The following EHBP1 variants were observed in gnomAD, a reference collection of about 807,000 sequenced individuals.
EHBP1 encodes EH domain-binding protein 1.
EHBP1 carries 55 observed loss-of-function variants against 144.0 expected under a neutral mutation model. That is an observed-to-expected ratio of 0.38 (90% CI 0.31 to 0.48). The LOEUF is 0.48. Among genes scored for constraint, EHBP1 ranks in the 20% least tolerant of loss-of-function variants. EHBP1 has a pLI of 0.98. For synonymous variants in EHBP1, 469 were observed against 472.7 expected (o/e 0.99, Z 0.10); for missense variants, 1,200 against 1,364.2 (o/e 0.88, Z 1.90).
At chr2:62,803,918 C>T (rs540140982) in intron 5 of EHBP1, among the ~76,000 whole-genome samples, 117 of 132,436 alleles carry the variant, frequency 8.8e-4, no homozygotes, top group South Asian at 6.1e-3. Context: ...GTTTTGTAAT[C>T]GTTTTGTGCC....
chr2:62,868,988 AAG>A (rs1332391323), intron 9 of EHBP1, among the ~76,000 whole-genome samples: 3 of 152,208 alleles, frequency 2.0e-5, no homozygotes, highest in African/African-American at 4.8e-5. Context: ...TATTAAAAGA[AAG>A]GGGGAAATAT....
intron 12 of EHBP1, among the ~76,000 whole-genome samples, chr2:62,945,581 C>A (rs1387523958): frequency 2.0e-5 from 3 of 152,110 alleles, no homozygotes; most frequent in African/African-American, 7.2e-5. Flanking sequence ...AAGACCCCAT[C>A]TCTACAAAAA....
At chr2:62,709,335 T>C (rs1336625287) in intron 2 of EHBP1, among the ~76,000 whole-genome samples, 1 of 152,074 alleles carries the variant, frequency 6.6e-6, no homozygotes, top group South Asian at 2.1e-4. Context: ...AATTTGGATG[T>C]ATTTGACCAA....
intron 13 of EHBP1, among the ~76,000 whole-genome samples, chr2:62,951,533 T>G (rs1298426582): frequency 1.6e-5 from 2 of 125,638 alleles, no homozygotes; most frequent in African/African-American, 5.8e-5. Flanking sequence ...TTTTTTTTTT[T>G]TGGGGGGGGG....
chr2:63,006,194 T>C (rs1199363143), intron 19 of EHBP1, among the ~76,000 whole-genome samples: 6 of 152,018 alleles, frequency 3.9e-5, no homozygotes, highest in African/African-American at 1.4e-4. Context: ...TCAACAGTGC[T>C]TTGCACATAA....
At chr2:62,922,189 A>G (rs1467721605) in intron 10 of EHBP1, among the ~76,000 whole-genome samples, 1 of 152,192 alleles carries the variant, frequency 6.6e-6, no homozygotes, top group Non-Finnish European at 1.5e-5. Flanking sequence ...AAAAAAAATC[A>G]TAATGAAGAG....
rs190341602 is a variant in EHBP1 at position 62,830,284 on chromosome 2, T to C, written c.495-735T>C. On this transcript the variant is annotated intron_variant, in intron 6 of 22. Transcript: ENST00000431489. ...ATATATAGCTTGGATTACAGGCGCA[T>C]GCCACCACGCCCGGCTAATTTTTGT... 5.3e-3 allele frequency among the ~76,000 whole-genome samples: 795 copies of C among 151,270 alleles called. 3 individuals carry two copies. Among genetic ancestry groups the C allele is most frequent in the African/African-American group, 0.018 (737 of 41,220 alleles).
At chr2:62,755,174 A>G (rs1035341229) in intron 3 of EHBP1, among the ~76,000 whole-genome samples, 8 of 152,068 alleles carry the variant, frequency 5.3e-5, no homozygotes, top group Non-Finnish European at 1.2e-4. Context: ...GCAGTTCCCA[A>G]CCCTCAGAGG....
intron 13 of EHBP1, among the ~76,000 whole-genome samples, chr2:62,954,456 G>A (rs191495636): frequency 1.3e-5 from 2 of 151,980 alleles, no homozygotes; most frequent in East Asian, 3.9e-4. Flanking sequence ...AAAATCTTTG[G>A]GTGATGAAAA....
intron 5 of EHBP1, among the ~76,000 whole-genome samples, chr2:62,825,504 A>T (rs920203487): frequency 6.6e-6 from 1 of 151,794 alleles, no homozygotes; most frequent in Non-Finnish European, 1.5e-5. Context: ...TTTATGATAT[A>T]TGTGCTTTTA....
chr2:62,904,750 G>A (rs982648822), intron 10 of EHBP1, among the ~76,000 whole-genome samples: 6 of 152,158 alleles, frequency 3.9e-5, no homozygotes, highest in African/African-American at 1.2e-4. Context: ...GACTGCCAAA[G>A]CAAAGACTAT....
chr2:62,996,912 C>T, intron 19 of EHBP1, 146 bp downstream of exon 19: 1 of 1,168,954 alleles, frequency 8.6e-7, no homozygotes, highest in Non-Finnish European at 1.2e-6. Context: ...GCAGCCACCT[C>T]TCTGGGCCCT....
chr2:62,939,321 CTGGAG>C (rs1460367577), intron 10 of EHBP1, among the ~76,000 whole-genome samples: 2 of 152,152 alleles, frequency 1.3e-5, no homozygotes, highest in Admixed American at 6.5e-5. Flanking sequence ...GTCGCCCAGG[CTGGAG>C]TGCAGTGGTG....
intron 19 of EHBP1, among the ~76,000 whole-genome samples, chr2:63,017,499 T>A (rs550610752): frequency 4.3e-4 from 65 of 152,224 alleles, no homozygotes; most frequent in Non-Finnish European, 7.5e-4. Flanking sequence ...AATTAGATAC[T>A]TTATATCAAG....
chr2:62,772,416 G>C (rs2041742585), intron 5 of EHBP1, among the ~76,000 whole-genome samples: 1 of 152,184 alleles, frequency 6.6e-6, no homozygotes, highest in Non-Finnish European at 1.5e-5. Context: ...TCCAAATATA[G>C]TGATTAATAA....
chr2:62,860,924 A>G (rs1430204076), intron 8 of EHBP1, among the ~76,000 whole-genome samples: 1 of 152,060 alleles, frequency 6.6e-6, no homozygotes, highest in Non-Finnish European at 1.5e-5. Flanking sequence ...TTTTAAATAT[A>G]TGCCTATTAG....
chr2:62,930,682 C>T (rs901176213), intron 10 of EHBP1, among the ~76,000 whole-genome samples: 1 of 152,032 alleles, frequency 6.6e-6, no homozygotes, highest in African/African-American at 2.4e-5. Context: ...GACATATAGA[C>T]CAACAATGGA....
At position 63,045,811 on chromosome 2, in the gene EHBP1, A is replaced by G. The variant is rs547662457; in HGVS notation, c.*311A>G. On this transcript the variant is annotated 3_prime_UTR_variant, in exon 23 of 23. Transcript: ENST00000431489. This position sits in a 1 kb window ranked among gnomAD's most constrained non-coding sequence, Gnocchi z 5.7. ...TTCAAGAAACTGTTCGAAAAAGAAC[A>G]AAAACACTTCCCTCGTTATTTTCTC... The G allele has an allele frequency of 1.4e-5, 3 of 208,634 alleles. No individual in the cohort carries two copies. Among genetic ancestry groups the G allele is most frequent in the East Asian group, 2.3e-4 (2 of 8,758 alleles). The allele number at this position is 208,634 out of a possible 1,614,324, so 12.9% of individuals were successfully genotyped here. A position where few individuals can be genotyped will look rare whatever the true frequency, so the allele number is the denominator to read the frequency against.
chr2:62,837,709 A>G (rs2047402029), intron 7 of EHBP1, among the ~76,000 whole-genome samples: 2 of 150,848 alleles, frequency 1.3e-5, no homozygotes, highest in Non-Finnish European at 3.0e-5. Context: ...GATAAAACAG[A>G]CTTTAAACCA....
Sources: allele counts gnomAD v4.1 joint callset (sites outside exome capture counted in the v4.1 genomes callset), GRCh38; gene constraint gnomAD v4.1.1; non-coding constraint Gnocchi (gnomAD v3.1); transcripts MANE v1.5; gene names NCBI Gene and HGNC (gene_info 2026-07-23, HGNC 2026-07-21).